ATP13A4: variants seen among roughly 807,000 people sequenced by gnomAD.
The protein encoded by ATP13A4 is ATPase 13A4.
Under a neutral mutation model 142.5 loss-of-function variants are expected in ATP13A4, and 114 were observed. That is an observed-to-expected ratio of 0.80 (90% confidence interval 0.69 to 0.93). ATP13A4 has a LOEUF of 0.93. ATP13A4 is among the 40% of genes least tolerant of loss of function. The pLI, the probability that ATP13A4 is intolerant of heterozygous loss-of-function variation, is 0.00. For missense variants in ATP13A4, 1,392 were observed against 1,454.0 expected (o/e 0.96, Z 0.69); for synonymous variants, 488 against 514.8 (o/e 0.95, Z 0.70).
chr3:193,422,112 T>C (rs532813221), intron 25 of ATP13A4, among the ~76,000 whole-genome samples: 2 of 150,148 alleles, frequency 1.3e-5, no homozygotes, highest in South Asian at 4.2e-4. Flanking sequence ...AGATATTCTA[T>C]GCAAATGGTA....
chr3:193,402,530 G>T lies in ATP13A4; in HGVS notation c.*122C>A. On this transcript the variant is annotated 3_prime_UTR_variant, in exon 30 of 30. Coordinates refer to ENST00000342695, the MANE Select transcript of ATP13A4 (RefSeq NM_032279.4). ...CAAACAGACTTTAGTTTGTCACCAT[G>T]ATTTGATAGGTAGCCCCAAAACTCC... 1.5e-6 allele frequency: 1 copy of T among 680,304 alleles called. No homozygotes were observed. Among genetic ancestry groups the T allele is most frequent in the Non-Finnish European group, 2.7e-6 (1 of 375,246 alleles). 42.1% of individuals were successfully genotyped at this position (680,304 alleles called of 1,614,324 possible).
intron 8 of ATP13A4, among the ~76,000 whole-genome samples, chr3:193,481,236 T>C (rs1302130686): frequency 6.6e-6 from 1 of 152,178 alleles, no homozygotes; most frequent in Non-Finnish European, 1.5e-5. Context: ...AACTTATTCA[T>C]ATACCAAAAT....
chr3:193,525,571 T>C (rs1027260218), intron 1 of ATP13A4, among the ~76,000 whole-genome samples: 2 of 152,180 alleles, frequency 1.3e-5, no homozygotes, highest in African/African-American at 2.4e-5. Flanking sequence ...ACAAATGCTT[T>C]CCTGGGTCCC....
chr3:193,500,982 G>A (rs1271085112), intron 3 of ATP13A4, among the ~76,000 whole-genome samples: 2 of 152,190 alleles, frequency 1.3e-5, no homozygotes, highest in Non-Finnish European at 2.9e-5. Flanking sequence ...CTCAAGACCA[G>A]AGAGGCAGTA....
rs916108883 is a variant in ATP13A4, at chr3:193,580,193, A to G, written n.291+1514T>C. Reference sequence around the variant, plus strand: ...TTCCTACAACCTCTCCTGCTGATATAGCCTGGTAAATTGACTACTGAAAGT... The same window carrying G: ...TTCCTACAACCTCTCCTGCTGATATGGCCTGGTAAATTGACTACTGAAAGT... On this transcript the variant is annotated intron_variant and non_coding_transcript_variant, in intron 2 of 3. Transcript: ENST00000489140. Among the ~76,000 whole-genome samples, 3 of 152,164 alleles carry G rather than the reference A, an allele frequency of 2.0e-5. No individual in the cohort carries two copies. In the East Asian group the frequency reaches 5.8e-4, roughly 29 times the overall value.
At chr3:193,572,069 A>G (rs1355844620) in intron 2 of ATP13A4, among the ~76,000 whole-genome samples, 1 of 152,094 alleles carries the variant, frequency 6.6e-6, no homozygotes, top group Non-Finnish European at 1.5e-5. Flanking sequence ...AACATGGCAA[A>G]ACCCCGCCTC....
At chr3:193,462,651 T>G in intron 13 of ATP13A4, 111 bp downstream of exon 13, 1 of 1,016,954 alleles carries the variant, frequency 9.8e-7, no homozygotes, top group Non-Finnish European at 1.5e-6. Flanking sequence ...GCAATCATTG[T>G]CCACCAAAGC....
chr3:193,447,342 T>C (rs1717015112), intron 18 of ATP13A4, among the ~76,000 whole-genome samples: 2 of 151,396 alleles, frequency 1.3e-5, no homozygotes, highest in African/African-American at 4.9e-5. Flanking sequence ...TTGTGGGGAG[T>C]AGAACAGGGG....
At chr3:193,507,842 T>C (rs1336648460) in intron 2 of ATP13A4, among the ~76,000 whole-genome samples, 2 of 152,110 alleles carry the variant, frequency 1.3e-5, no homozygotes, top group Admixed American at 6.5e-5. Context: ...CACAAGGAGA[T>C]AGGTATTATC....
Position 193,433,858 on chromosome 3 carries a change from A to C in ATP13A4, c.2829T>G (p.Leu943=). 6.2e-7 allele frequency: 1 copy of C among 1,613,270 alleles called. No homozygotes were observed. The highest frequency in any genetic ancestry group is 1.1e-5 in the South Asian group (1 of 91,064). ...AAAATGTCTTACTTGTTACACCAAT[A>C]AGAGTTGTAATGGCCAGATCCTGGA... ...FLFQDLAITT[L]IGVTMNLNGA... is the part of the protein sequence containing the mutation. The change falls in exon 25 of 30, where the codon CTT becomes CTG. Residue 943 remains leucine, a synonymous_variant. Coordinates refer to ENST00000342695, the MANE Select transcript of ATP13A4 (RefSeq NM_032279.4).
intron 2 of ATP13A4, among the ~76,000 whole-genome samples, chr3:193,560,239 C>A (rs762028225): frequency 4.6e-5 from 7 of 151,410 alleles, no homozygotes; most frequent in Non-Finnish European, 8.8e-5. Context: ...GACAGGGTCT[C>A]GCTCTGTCAC....
chr3:193,577,408 C>G (rs1311484005), intron 2 of ATP13A4, among the ~76,000 whole-genome samples: 1 of 152,300 alleles, frequency 6.6e-6, no homozygotes, highest in South Asian at 2.1e-4. Flanking sequence ...TGCCTTTTCA[C>G]CTTCTCTTTA....
At chr3:193,592,172 G>A (rs1210086883) in intron 1 of ATP13A4, among the ~76,000 whole-genome samples, 1 of 150,224 alleles carries the variant, frequency 6.7e-6, no homozygotes, top group African/African-American at 2.4e-5. Flanking sequence ...GAGGTGAAAG[G>A]TCCCTGAAGT....
chr3:193,560,176 T>C (rs1221910881), intron 2 of ATP13A4, among the ~76,000 whole-genome samples: 1 of 152,182 alleles, frequency 6.6e-6, no homozygotes, highest in Non-Finnish European at 1.5e-5. Context: ...TCAAGTCTTA[T>C]ATATGATATA....
chr3:193,433,188 C>T (rs1716074325), intron 25 of ATP13A4, among the ~76,000 whole-genome samples: 1 of 152,162 alleles, frequency 6.6e-6, no homozygotes. Flanking sequence ...AGAATTTCAT[C>T]AGTTACAACA....
intron 3 of ATP13A4, among the ~76,000 whole-genome samples, chr3:193,495,739 G>T (rs185692252): frequency 6.6e-6 from 1 of 152,034 alleles, no homozygotes; most frequent in Admixed American, 6.6e-5. Context: ...GAGCAATTAG[G>T]CAAGAGAAAG....
At chr3:193,514,604 A>G in intron 2 of ATP13A4, 94 bp downstream of exon 2, 2 of 1,511,924 alleles carry the variant, frequency 1.3e-6, no homozygotes. Context: ...TCCACCTGCT[A>G]TCTGTCTTGT....
At chr3:193,588,236 C>T (rs1227984158) in intron 1 of ATP13A4, among the ~76,000 whole-genome samples, 1 of 152,194 alleles carries the variant, frequency 6.6e-6, no homozygotes, top group Non-Finnish European at 1.5e-5. Flanking sequence ...TGACCCAAAG[C>T]TTCACCTTTA....
intron 18 of ATP13A4, 36 bp from the exon 19 acceptor site, chr3:193,442,592 A>G (rs754761996): frequency 6.3e-7 from 1 of 1,591,178 alleles, no homozygotes; most frequent in South Asian, 1.1e-5. Flanking sequence ...GATGAGGTTG[A>G]CAAGATTGAA....
Sources: allele counts gnomAD v4.1 joint callset (sites outside exome capture counted in the v4.1 genomes callset), GRCh38; gene constraint gnomAD v4.1.1; transcripts MANE v1.5; gene names NCBI Gene and HGNC (gene_info 2026-07-23, HGNC 2026-07-21).